The following WASF3 variants were observed in gnomAD, a reference collection of about 807,000 sequenced individuals.
The protein encoded by WASF3 is actin-binding protein WASF3.
In WASF3, 11 loss-of-function variants were observed where a neutral mutation model predicts 46.6. The observed-to-expected ratio is 0.24, with a 90% CI of 0.15 to 0.39. The LOEUF is 0.39. Ranked by LOEUF, WASF3 falls within the 10% of genes least tolerant of loss-of-function variation. The pLI, the probability that WASF3 is intolerant of heterozygous loss-of-function variation, is 1.00. For missense variants in WASF3, 576 were observed against 669.8 expected (o/e 0.86, Z 1.55); for synonymous variants, 242 against 259.7 (o/e 0.93, Z 0.65).
chr13:26,590,639 A>ATTT (rs1880262654), intron 1 of WASF3, among the ~76,000 whole-genome samples: 2 of 152,196 alleles, frequency 1.3e-5, no homozygotes, highest in African/African-American at 2.4e-5. Context: ...AATATGTCAA[A>ATTT]AGTCTGCTAA....
chr13:26,564,005 T>C (rs1416577354), intron 1 of WASF3, among the ~76,000 whole-genome samples: 1 of 152,126 alleles, frequency 6.6e-6, no homozygotes, highest in African/African-American at 2.4e-5. Context: ...TCTAAAGATA[T>C]CTTCTGTTGT....
chr13:26,554,076 C>CTTTCTTTCTTTCTTTCT (rs1164603154), upstream of WASF3, among the ~76,000 whole-genome samples: 2 of 72,486 alleles, frequency 2.8e-5, no homozygotes, highest in African/African-American at 1.2e-4. Flanking sequence ...TCCTTCCTTC[C>CTTTCTTTCTTTCTTTCT]TTCCTTCCTT....
intron 1 of WASF3, among the ~76,000 whole-genome samples, chr13:26,601,660 C>T (rs1205060013): frequency 5.9e-5 from 9 of 152,216 alleles, no homozygotes. Flanking sequence ...AGAATATCAA[C>T]TGTTTGGAAT....
chr13:26,681,658 C>T (rs1261502765), intron 8 of WASF3, among the ~76,000 whole-genome samples: 2 of 152,132 alleles, frequency 1.3e-5, no homozygotes, highest in African/African-American at 4.8e-5. Context: ...CTGGACACAT[C>T]CTGAGTGGAC....
chr13:26,685,814 C>CA lies in WASF3; in HGVS notation c.1479dup (p.Glu494ArgfsTer40). On this transcript the variant is annotated frameshift_variant, in exon 10 of 10. Transcript: ENST00000335327. LOFTEE classifies it high-confidence loss of function. Reference sequence around the variant, plus strand: ...GAGTACAGCGACTCTGACGACGACTCAGAGTTCGACGAGAACGACTGGTCC... The same window carrying CA: ...GAGTACAGCGACTCTGACGACGACTCAAGAGTTCGACGAGAACGACTGGTCC... 3 of 1,613,970 alleles carry CA rather than the reference C, an allele frequency of 1.9e-6. No individual in the cohort carries two copies. Among genetic ancestry groups the CA allele is most frequent in the Non-Finnish European group, 2.5e-6 (3 of 1,179,826 alleles).
chr13:26,551,576 C>G, the WASF3 span, among the ~76,000 whole-genome samples: 1 of 152,148 alleles, frequency 6.6e-6, no homozygotes, highest in African/African-American at 2.4e-5. Context: ...ATGAATTAAC[C>G]GTGGCAATAA....
chr13:26,635,075 A>G (rs1240891989), intron 2 of WASF3, among the ~76,000 whole-genome samples: 4 of 152,186 alleles, frequency 2.6e-5, no homozygotes, highest in African/African-American at 7.2e-5. Context: ...AATATCCTGA[A>G]AAGTGTTTTC....
intron 6 of WASF3, among the ~76,000 whole-genome samples, chr13:26,673,885 T>C (rs1882988566): frequency 6.6e-6 from 1 of 152,134 alleles, no homozygotes; most frequent in Non-Finnish European, 1.5e-5. Context: ...GGAAGACCTC[T>C]CTAAGGAGGT....
At chr13:26,576,982 G>A (rs2137162115) in intron 1 of WASF3, 4 of 717,994 alleles carry the variant, frequency 5.6e-6, no homozygotes, top group South Asian at 3.0e-5. Context: ...GTGGTATGAT[G>A]TGAAAGCACC....
intron 4 of WASF3, among the ~76,000 whole-genome samples, chr13:26,667,031 A>T (rs2137470666): frequency 6.6e-6 from 1 of 152,298 alleles, no homozygotes; most frequent in South Asian, 2.1e-4. Flanking sequence ...ACATGTTGAA[A>T]AGCTTTGCCA....
At chr13:26,554,092 CTTCCTTCTTTCTTTCT>C (rs1879038234), upstream of WASF3, among the ~76,000 whole-genome samples, 3 of 23,262 alleles carry the variant, frequency 1.3e-4, no homozygotes, top group African/African-American at 1.7e-4. Context: ...TCCTTCCTTC[CTTCCTTCTTTCTTTCT>C]TTCTTTCTTT....
Position 26,685,916 on chromosome 13 carries a change from TG to T in WASF3, c.*73del. 6.4e-7 allele frequency: 1 copy of T among 1,568,220 alleles called. No individual in the cohort carries two copies. Among genetic ancestry groups the T allele is most frequent in the Non-Finnish European group, 8.7e-7 (1 of 1,149,168 alleles). ...TTAAGTGGTCTCTACACCCAAATAG[TG>T]GTATTCTAATCCCGTAGCATAGCAC... On this transcript the variant is annotated 3_prime_UTR_variant, in exon 10 of 10. Transcript: ENST00000335327.
In WASF3 at chr13:26,595,903, A is replaced by G. The variant is rs79073952; in HGVS notation, c.-108-17058A>G. Among the ~76,000 whole-genome samples the G allele has an allele frequency of 7.2e-5, 11 of 152,256 alleles. No individual in the cohort carries two copies. In the East Asian group the frequency reaches 2.1e-3, roughly 29 times the overall value. On this transcript the variant is annotated intron_variant, in intron 1 of 9. Transcript: ENST00000335327. ...TGGTTCAACAATCCACGCAAACAAC[A>G]TTTGCATTGTTTCTGCTATTTTGCT...
intron 2 of WASF3, among the ~76,000 whole-genome samples, chr13:26,616,144 G>A (rs1309375280): frequency 1.3e-5 from 2 of 152,180 alleles, no homozygotes; most frequent in African/African-American, 4.8e-5. Context: ...GGAGTAGAAT[G>A]GCTGGATCGT....
In WASF3 at chr13:26,589,666, C is replaced by T. The variant is rs991428082; in HGVS notation, c.-108-23295C>T. ...TTAAAGCTTTTCTTTAGTTATTTCT[C>T]CAAAGCACAACAGAGTTTGGCAGAT... On this transcript the variant is annotated intron_variant, in intron 1 of 9. Coordinates refer to ENST00000335327, the MANE Select transcript of WASF3 (RefSeq NM_006646.6). 2.0e-5 allele frequency among the ~76,000 whole-genome samples: 3 copies of T among 152,052 alleles called. No homozygotes were observed. The South Asian group carries it at 6.2e-4, about 32-fold the overall frequency.
Position 26,679,924 on chromosome 13 carries a change from A to G in WASF3, c.717-1130A>G. 7.6e-7 allele frequency: 1 copy of G among 1,307,708 alleles called. No homozygotes were observed. The highest frequency in any genetic ancestry group is 1.4e-5 in the South Asian group (1 of 70,362). 81.0% of individuals were successfully genotyped at this position (1,307,708 alleles called of 1,614,324 possible). ...CATTTGGAAGGCTTTTCTGTGCCAC[A>G]TGGTGCCCCAGTTAAGAAAAGCTAC... is the stretch of plus-strand genomic sequence containing the variant. On this transcript the variant is annotated intron_variant, in intron 7 of 9. Coordinates refer to ENST00000335327, the MANE Select transcript of WASF3 (RefSeq NM_006646.6). This position sits in a 1 kb window ranked among gnomAD's most constrained non-coding sequence, Gnocchi z 4.8.
At chr13:26,657,606 C>G (rs902957055) in intron 3 of WASF3, among the ~76,000 whole-genome samples, 1 of 152,230 alleles carries the variant, frequency 6.6e-6, no homozygotes, top group African/African-American at 2.4e-5. Context: ...GCATTTATCT[C>G]AACCTGATGT....
rs374111218 is a variant in WASF3, at chr13:26,681,162, C to G, written c.825C>G (p.His275Gln). ...PSYAAGDVPP[H>Q]GPASQAAEHE... ...ATGCAGCTGGTGACGTGCCACCACA[C>G]GGGCCTGCAAGCCAGGCTGCGGAGC... is the stretch of plus-strand genomic sequence containing the variant. Residue 275 changes from histidine (H) to glutamine (Q), a missense_variant, in exon 8 of 10, where the codon CAC (histidine) becomes CAG (glutamine). By Grantham distance (24) the His-to-Gln change is conservative. Coordinates refer to ENST00000335327, the MANE Select transcript of WASF3 (RefSeq NM_006646.6). 8.7e-6 allele frequency: 14 copies of G among 1,614,196 alleles called. 1 individual carries two copies. Among genetic ancestry groups the G allele is most frequent in the Non-Finnish European group, 1.2e-5 (14 of 1,180,024 alleles).
chr13:26,654,637 A>G (rs1229666434), intron 3 of WASF3, among the ~76,000 whole-genome samples: 1 of 152,218 alleles, frequency 6.6e-6, no homozygotes, highest in Non-Finnish European at 1.5e-5. Flanking sequence ...AGTTCTTAAA[A>G]TGCTTAGAAT....
Sources: gnomAD v4.1 joint callset for allele counts (sites outside exome capture counted in the v4.1 genomes callset) on GRCh38, gnomAD v4.1.1 for gene constraint, Gnocchi (gnomAD v3.1) non-coding constraint, MANE v1.5 for transcripts, NCBI Gene and HGNC (gene_info 2026-07-23, HGNC 2026-07-21) for gene names.